SYN3: variants seen among roughly 807,000 people sequenced by gnomAD.
SYN3 encodes synapsin-3.
In SYN3, 35 loss-of-function variants were observed where a neutral mutation model predicts 65.8. The observed-to-expected ratio is 0.53, with a 90% CI of 0.41 to 0.70. The LOEUF is 0.70. SYN3 is among the 30% of genes least tolerant of loss of function. The pLI is 0.00. For missense variants in SYN3, 680 were observed against 749.0 expected (o/e 0.91, Z 1.08); for synonymous variants, 270 against 292.9 (o/e 0.92, Z 0.80).
chr22:32,858,287 T>C (rs2048434170), intron 6 of SYN3: 3 of 1,145,048 alleles, frequency 2.6e-6, no homozygotes, highest in African/African-American at 1.6e-5. Context: ...TGAGCAGATA[T>C]AGTAAGGATT....
chr22:32,519,707 A>G (rs1438772411), intron 12 of SYN3: 5 of 152,170 alleles, frequency 3.3e-5, no homozygotes, highest in African/African-American at 1.2e-4. Context: ...CTAACCCTCA[A>G]ATTCTGGGTG....
chr22:32,794,307 G>T (rs773846683), intron 6 of SYN3, among the ~76,000 whole-genome samples: 1 of 152,178 alleles, frequency 6.6e-6, no homozygotes, highest in Non-Finnish European at 1.5e-5. Flanking sequence ...ATATGGGGGT[G>T]GTGTTGACAT....
intron 4 of SYN3, among the ~76,000 whole-genome samples, chr22:32,872,671 A>G (rs1483907170): frequency 6.6e-6 from 1 of 152,214 alleles, no homozygotes; most frequent in Non-Finnish European, 1.5e-5. Context: ...CAATGACTAT[A>G]GAGAAATTAC....
intron 3 of SYN3, among the ~76,000 whole-genome samples, chr22:32,965,298 G>C (rs1431012256): frequency 6.6e-6 from 1 of 152,298 alleles, no homozygotes; most frequent in African/African-American, 2.4e-5. Flanking sequence ...TGTTTGTGTT[G>C]TTTACCATGC....
intron 7 of SYN3, among the ~76,000 whole-genome samples, chr22:32,570,421 A>G (rs2058743641): frequency 6.6e-6 from 1 of 152,232 alleles, no homozygotes. Context: ...TAAAGGGTCT[A>G]GAGCGTTGTG....
chr22:32,624,776 G>A (rs1436768631), intron 6 of SYN3, among the ~76,000 whole-genome samples: 1 of 152,196 alleles, frequency 6.6e-6, no homozygotes, highest in Non-Finnish European at 1.5e-5. Context: ...CTGCCACGGT[G>A]GGACCCATTC....
chr22:32,696,476 T>C (rs1390686283), intron 6 of SYN3, among the ~76,000 whole-genome samples: 1 of 152,242 alleles, frequency 6.6e-6, no homozygotes, highest in African/African-American at 2.4e-5. Flanking sequence ...TTTTCTGTTA[T>C]ATTTTCATTC....
chr22:32,901,989 C>T (rs1393883031), intron 4 of SYN3, among the ~76,000 whole-genome samples: 1 of 152,188 alleles, frequency 6.6e-6, no homozygotes. Context: ...GGAAAGGGCC[C>T]ATTCCAAGGT....
chr22:32,764,758 C>T (rs567647289), intron 6 of SYN3, among the ~76,000 whole-genome samples: 6 of 152,292 alleles, frequency 3.9e-5, no homozygotes, highest in African/African-American at 7.2e-5. Context: ...GACCCCAAGG[C>T]GTGAATCTGA....
At chr22:32,864,739 AC>A in intron 6 of SYN3, 175 bp downstream of exon 6, 1 of 582,720 alleles carries the variant, frequency 1.7e-6, no homozygotes, top group South Asian at 2.3e-5. Context: ...ACCTGGAGAG[AC>A]GACTTCCCTT....
At chr22:32,983,817 T>C (rs1470664094) in intron 2 of SYN3, among the ~76,000 whole-genome samples, 1 of 152,192 alleles carries the variant, frequency 6.6e-6, no homozygotes, top group Non-Finnish European at 1.5e-5. Flanking sequence ...ATGGGTCATA[T>C]GTCTAATATT....
chr22:32,807,397 A>T (rs2046790143), intron 6 of SYN3, among the ~76,000 whole-genome samples: 1 of 105,870 alleles, frequency 9.4e-6, no homozygotes, highest in Non-Finnish European at 1.9e-5. Flanking sequence ...TATATATAAT[A>T]TATATATATT....
intron 5 of SYN3, 31 bp from the exon 6 acceptor site, chr22:32,865,035 A>G (rs2048653990): frequency 6.4e-7 from 1 of 1,560,274 alleles, no homozygotes; most frequent in Non-Finnish European, 8.8e-7. Flanking sequence ...ACATTGATCA[A>G]CTATTGTCAC....
intron 6 of SYN3, among the ~76,000 whole-genome samples, chr22:32,822,653 G>A (rs776995323): frequency 1.3e-5 from 2 of 152,120 alleles, no homozygotes; most frequent in African/African-American, 2.4e-5. Context: ...ATTATGGTGC[G>A]TTCATACAGT....
At chr22:32,889,364 G>A (rs1450937171) in intron 4 of SYN3, among the ~76,000 whole-genome samples, 2 of 151,812 alleles carry the variant, frequency 1.3e-5, no homozygotes, top group East Asian at 1.9e-4. Flanking sequence ...TAAAGCTTCC[G>A]GAATGGGGTA....
At chr22:32,824,424 C>A (rs192233754) in intron 6 of SYN3, among the ~76,000 whole-genome samples, 1 of 151,836 alleles carries the variant, frequency 6.6e-6, no homozygotes, top group Non-Finnish European at 1.5e-5. Flanking sequence ...GTGAGACAAT[C>A]TCAGGATCTG....
chr22:32,773,136 T>C (rs532276111), intron 6 of SYN3, among the ~76,000 whole-genome samples: 3 of 151,984 alleles, frequency 2.0e-5, no homozygotes, highest in South Asian at 4.2e-4. Context: ...GTGTCGGGCG[T>C]GGTGGCTCAT....
intron 3 of SYN3, among the ~76,000 whole-genome samples, chr22:32,936,920 A>C (rs1170499887): frequency 6.6e-6 from 1 of 152,242 alleles, no homozygotes; most frequent in Non-Finnish European, 1.5e-5. Context: ...CTCCATGTAG[A>C]TCTGTCCCAA....
At chr22:32,995,446 G>A (rs1459899525) in intron 2 of SYN3, among the ~76,000 whole-genome samples, 1 of 152,120 alleles carries the variant, frequency 6.6e-6, no homozygotes, top group African/African-American at 2.4e-5. Flanking sequence ...AGTATTAACT[G>A]GGTGTCTTGT....
Sources: gnomAD v4.1 joint callset for allele counts (sites outside exome capture counted in the v4.1 genomes callset) on GRCh38, gnomAD v4.1.1 for gene constraint, MANE v1.5 for transcripts, NCBI Gene and HGNC (gene_info 2026-07-23, HGNC 2026-07-21) for gene names.